TIMMDC1: variants seen among roughly 807,000 people sequenced by gnomAD.
TIMMDC1 encodes complex I assembly factor TIMMDC1, mitochondrial.
A neutral mutation model predicts 32.6 loss-of-function variants in TIMMDC1; 25 were observed. The ratio of observed to expected loss-of-function variants is 0.77; its 90% CI spans 0.56 to 1.07. The LOEUF (loss-of-function observed/expected upper bound fraction) is 1.07, where lower values mean the gene tolerates loss of function less well. Among genes scored for constraint, TIMMDC1 ranks in the 50% least tolerant of loss-of-function variants. TIMMDC1 has a pLI of 0.00. For missense variants in TIMMDC1, 329 were observed against 349.2 expected (o/e 0.94, Z 0.46); for synonymous variants, 130 against 127.6 (o/e 1.02, Z -0.13).
chr3:119,515,221 AAAAAG>A (rs2107733216), intron 5 of TIMMDC1, among the ~76,000 whole-genome samples: 1 of 151,992 alleles, frequency 6.6e-6, no homozygotes, highest in Non-Finnish European at 1.5e-5. Flanking sequence ...AAAAAAAAAA[AAAAAG>A]AGGAAAAACT....
At position 119,498,590 on chromosome 3, in the gene TIMMDC1, T is replaced by TA. The variant is rs1171153695; in HGVS notation, c.-144_-143insA. 1.4e-6 allele frequency: 1 copy of TA among 724,606 alleles called. No homozygotes were observed. Among genetic ancestry groups the TA allele is most frequent in the East Asian group, 2.6e-5 (1 of 38,844 alleles). The allele number at this position is 724,606 out of a possible 1,614,324, so 44.9% of individuals were successfully genotyped here. On this transcript the variant is annotated 5_prime_UTR_variant, in exon 1 of 7. Coordinates refer to ENST00000494664, the MANE Select transcript of TIMMDC1 (RefSeq NM_016589.4). ...CCAAAGCGAGGCCGGGGACTGAAGG[T>TA]GTGGGTGTCGAGCCCTCTGGCAGAG...
At chr3:119,502,430 A>C (rs927036764) in intron 2 of TIMMDC1, among the ~76,000 whole-genome samples, 1 of 151,324 alleles carries the variant, frequency 6.6e-6, no homozygotes, top group Non-Finnish European at 1.5e-5. Flanking sequence ...GGGTTTTGCC[A>C]TGTTGCCCAG....
intron 4 of TIMMDC1, among the ~76,000 whole-genome samples, chr3:119,504,812 T>C (rs1415289776): frequency 6.6e-6 from 1 of 152,166 alleles, no homozygotes; most frequent in Non-Finnish European, 1.5e-5. Context: ...GGCCAAGCGG[T>C]GGCTCACACC....
chr3:119,522,299 T>TAC (rs1416015532), intron 6 of TIMMDC1, among the ~76,000 whole-genome samples: 1 of 152,148 alleles, frequency 6.6e-6, no homozygotes, highest in Non-Finnish European at 1.5e-5. Context: ...AAATAAGTCA[T>TAC]ACACAGAAAG....
At chr3:119,519,577 A>G (rs1255726190) in intron 6 of TIMMDC1, among the ~76,000 whole-genome samples, 1 of 152,190 alleles carries the variant, frequency 6.6e-6, no homozygotes, top group Non-Finnish European at 1.5e-5. Flanking sequence ...ATATATATGC[A>G]CCCAACACCA....
At chr3:119,499,240 C>G (rs1170155384) in intron 1 of TIMMDC1, among the ~76,000 whole-genome samples, 1 of 150,460 alleles carries the variant, frequency 6.6e-6, no homozygotes, top group Non-Finnish European at 1.5e-5. Context: ...ACTACAGGCG[C>G]GCACCACCAC....
chr3:119,517,295 T>C lies in TIMMDC1; in HGVS notation c.687T>C (p.His229=), dbSNP rs373070678. 8.9e-5 allele frequency: 144 copies of C among 1,610,666 alleles called. No homozygotes were observed. Among genetic ancestry groups the C allele is most frequent in the Non-Finnish European group, 1.8e-5 (21 of 1,177,222 alleles). ...AACAGAAGGATCGAAAGGCACTCCA[T>C]GAGCTAAAACTGGAAGAGTGGTAAG... ...ERKQKDRKAL[H]ELKLEEWKGR... Residue 229 remains histidine, a synonymous_variant, in exon 6 of 7, where the codon CAT becomes CAC. Transcript: ENST00000494664.
chr3:119,523,311 A>G (rs1367031123), intron 6 of TIMMDC1, among the ~76,000 whole-genome samples: 1 of 152,176 alleles, frequency 6.6e-6, no homozygotes, highest in Non-Finnish European at 1.5e-5. Context: ...AAAGTGTGTC[A>G]GTTCCCACAC....
chr3:119,522,804 TTGTG>T (rs71156752), intron 6 of TIMMDC1, among the ~76,000 whole-genome samples: 3,923 of 148,730 alleles, frequency 0.026, 56 homozygotes, highest in Non-Finnish European at 0.036. Context: ...GTATGGGTGT[TTGTG>T]TGTGTGTGTG....
In TIMMDC1 at chr3:119,500,785, A is replaced by G. The variant is rs143982217; in HGVS notation, c.285A>G (p.Pro95=). The change falls in exon 2 of 7, where the codon CCA becomes CCG. Residue 95 remains proline (P), a synonymous_variant. Coordinates refer to ENST00000494664, the MANE Select transcript of TIMMDC1 (RefSeq NM_016589.4). The stretch of plus-strand genomic sequence containing the variant: ...TTGGCTGGGTGTATGGGGGAATACC[A>G]GCTTTTATTCATGCTAAACAACAAT... The part of the protein sequence containing the change: ...GIIGWVYGGI[P]AFIHAKQQYI... 9 of 1,614,136 alleles carry G rather than the reference A, an allele frequency of 5.6e-6. No individual in the cohort carries two copies. Among genetic ancestry groups the G allele is most frequent in the African/African-American group, 1.3e-5 (1 of 75,048 alleles).
intron 6 of TIMMDC1, among the ~76,000 whole-genome samples, chr3:119,518,138 T>G (rs2081998211): frequency 6.6e-6 from 1 of 152,106 alleles, no homozygotes; most frequent in Non-Finnish European, 1.5e-5. Flanking sequence ...ACCTATTGCA[T>G]CTAATCATCT....
intron 5 of TIMMDC1, among the ~76,000 whole-genome samples, chr3:119,515,632 C>T (rs1045523693): frequency 1.4e-4 from 22 of 152,226 alleles, no homozygotes; most frequent in African/African-American, 4.8e-4. Flanking sequence ...GCCTACCACA[C>T]TTGGTTAAGG....
rs192013456 is a variant in TIMMDC1, at chr3:119,503,330, C to T, written c.361-202C>T. On this transcript the variant is annotated intron_variant, in intron 2 of 6. Transcript: ENST00000494664. ...GATAAGGGATACTCAACCATTTTTT[C>T]ATCTCCTGATAGGATAGGCTACACA... is the stretch of plus-strand genomic sequence containing the variant. 3.7e-3 allele frequency among the ~76,000 whole-genome samples: 569 copies of T among 152,192 alleles called. 2 individuals are homozygous for T. Among genetic ancestry groups the T allele is most frequent in the Admixed American group, 6.3e-3 (97 of 15,300 alleles).
chr3:119,498,571 C>G lies in TIMMDC1; in HGVS notation c.-163C>G. 1 of 661,548 alleles carries G rather than the reference C, an allele frequency of 1.5e-6. No individual in the cohort carries two copies. Among genetic ancestry groups the G allele is most frequent in the Middle Eastern group, 4.3e-4 (1 of 2,336 alleles). The allele number at this position is 661,548 out of a possible 1,614,324, so 41.0% of individuals were successfully genotyped here. On this transcript the variant is annotated 5_prime_UTR_variant, in exon 1 of 7. Transcript: ENST00000494664. ...TGTCGTATTTCCAAGGACTCCAAAG[C>G]GAGGCCGGGGACTGAAGGTGTGGGT...
chr3:119,521,330 G>A (rs142637016), intron 6 of TIMMDC1, among the ~76,000 whole-genome samples: 2,382 of 152,154 alleles, frequency 0.016, 24 homozygotes, highest in Middle Eastern at 0.031. Context: ...CGAGGCAGGC[G>A]GATCACTTGA....
chr3:119,503,738 CTT>C (rs11358423), intron 3 of TIMMDC1, 118 bp downstream of exon 3: 11,857 of 655,504 alleles, frequency 0.018, no homozygotes, highest in East Asian at 0.029. Context: ...TTAATAATGC[CTT>C]TTTTTTTTTT....
chr3:119,520,732 A>G (rs899359651), intron 6 of TIMMDC1, among the ~76,000 whole-genome samples: 5 of 152,220 alleles, frequency 3.3e-5, no homozygotes, highest in African/African-American at 1.2e-4. Flanking sequence ...AACTCATTCT[A>G]CAAGGCTAGC....
intron 4 of TIMMDC1, among the ~76,000 whole-genome samples, chr3:119,508,639 C>T (rs2081933806): frequency 1.3e-5 from 2 of 152,242 alleles, no homozygotes; most frequent in African/African-American, 2.4e-5. Flanking sequence ...CTCAGGCCTA[C>T]ATGAGGGAGC....
At chr3:119,513,549 A>G in intron 4 of TIMMDC1, 92 bp from the exon 5 acceptor site, 2 of 921,160 alleles carry the variant, frequency 2.2e-6, no homozygotes, top group South Asian at 1.4e-5. Context: ...CAGAAAGCTC[A>G]CTTAGGGATT....
Sources: gnomAD v4.1 joint callset for allele counts (sites outside exome capture counted in the v4.1 genomes callset) on GRCh38, gnomAD v4.1.1 for gene constraint, MANE v1.5 for transcripts, NCBI Gene and HGNC (gene_info 2026-07-23, HGNC 2026-07-21) for gene names.